ARHGAP32: variants seen among roughly 807,000 people sequenced by gnomAD.
ARHGAP32 encodes the protein Rho GTPase activating protein 32, also known as rho GTPase-activating protein 32.
Under a neutral mutation model 186.5 loss-of-function variants are expected in ARHGAP32, and 51 were observed. That is an observed-to-expected ratio of 0.27 (90% CI 0.22 to 0.35). The LOEUF is 0.35. Ranked by LOEUF, ARHGAP32 falls within the 10% of genes least tolerant of loss-of-function variation. The probability of loss-of-function intolerance (pLI) is 1.00; values close to 1 mark genes in which losing one functional copy is unlikely to be tolerated. For missense variants in ARHGAP32, 2,186 were observed against 2,623.5 expected (o/e 0.83, Z 3.64); for synonymous variants, 950 against 964.3 (o/e 0.99, Z 0.27).
intron 11 of ARHGAP32, among the ~76,000 whole-genome samples, chr11:129,038,991 T>C (rs909957925): frequency 6.7e-6 from 1 of 149,208 alleles, no homozygotes; most frequent in Non-Finnish European, 1.5e-5. Context: ...ACATATAAAA[T>C]GACTAAACAT....
chr11:129,257,430 A>C (rs2135703167), intron 1 of ARHGAP32, among the ~76,000 whole-genome samples: 1 of 152,312 alleles, frequency 6.6e-6, no homozygotes. Flanking sequence ...TAGTAGCTAT[A>C]GAGCAATGTC....
At chr11:129,087,319 T>C (rs1228731449) in intron 6 of ARHGAP32, among the ~76,000 whole-genome samples, 1 of 152,196 alleles carries the variant, frequency 6.6e-6, no homozygotes, top group Non-Finnish European at 1.5e-5. Flanking sequence ...TTATTCATAA[T>C]TGCCAAAACC....
At chr11:129,263,385 C>T (rs1235377425) in intron 1 of ARHGAP32, among the ~76,000 whole-genome samples, 1 of 151,502 alleles carries the variant, frequency 6.6e-6, no homozygotes, top group Non-Finnish European at 1.5e-5. Context: ...AACTCAACAA[C>T]AAAAAAAACT....
intron 1 of ARHGAP32, among the ~76,000 whole-genome samples, chr11:129,219,932 T>C (rs554474863): frequency 6.6e-6 from 1 of 152,234 alleles, no homozygotes; most frequent in East Asian, 1.9e-4. Context: ...GAATAATCCA[T>C]AACCATCTTG....
intron 1 of ARHGAP32, among the ~76,000 whole-genome samples, chr11:129,262,703 T>C (rs1365934148): frequency 6.6e-6 from 1 of 152,068 alleles, no homozygotes; most frequent in East Asian, 1.9e-4. Flanking sequence ...AGCCCAAAAC[T>C]ACTATTTTAA....
chr11:129,243,391 T>C (rs1945046557), intron 1 of ARHGAP32, among the ~76,000 whole-genome samples: 2 of 152,146 alleles, frequency 1.3e-5, no homozygotes, highest in African/African-American at 4.8e-5. Context: ...CTAACAATCA[T>C]AAATAAGTAA....
At chr11:129,243,800 C>T (rs1945051405) in intron 1 of ARHGAP32, among the ~76,000 whole-genome samples, 1 of 152,128 alleles carries the variant, frequency 6.6e-6, no homozygotes, top group African/African-American at 2.4e-5. Flanking sequence ...ATTCAAAGCC[C>T]AGCGAAAATG....
chr11:129,182,267 A>G (rs889626369), intron 1 of ARHGAP32, among the ~76,000 whole-genome samples: 1 of 152,126 alleles, frequency 6.6e-6, no homozygotes, highest in East Asian at 1.9e-4. Context: ...ATATGTACAA[A>G]TATATCTGAA....
chr11:129,152,368 C>T (rs1229384163), intron 2 of ARHGAP32, among the ~76,000 whole-genome samples: 1 of 152,086 alleles, frequency 6.6e-6, no homozygotes, highest in African/African-American at 2.4e-5. Context: ...AGAGGAAATC[C>T]TTCCTAAGTC....
At chr11:129,237,819 C>T (rs1591711757) in intron 1 of ARHGAP32, among the ~76,000 whole-genome samples, 1 of 152,268 alleles carries the variant, frequency 6.6e-6, no homozygotes, top group East Asian at 1.9e-4. Flanking sequence ...ACATGACTCT[C>T]CTTACACTGA....
intron 11 of ARHGAP32, among the ~76,000 whole-genome samples, chr11:129,006,713 ACT>A (rs1937793475): frequency 6.6e-6 from 1 of 152,120 alleles, no homozygotes. Context: ...CCCAAAGCCC[ACT>A]GTAACTGCTA....
chr11:129,255,649 A>C (rs1007426810), intron 1 of ARHGAP32, among the ~76,000 whole-genome samples: 13 of 152,086 alleles, frequency 8.5e-5, no homozygotes, highest in Admixed American at 6.6e-5. Context: ...TAGTAGTCAG[A>C]ATATAAAAAA....
At chr11:129,081,881 G>A (rs376769042) in intron 6 of ARHGAP32, among the ~76,000 whole-genome samples, 21 of 152,110 alleles carry the variant, frequency 1.4e-4, no homozygotes, top group Non-Finnish European at 2.2e-4. Context: ...GCTCTTAGAT[G>A]TGATAAGTGA....
intron 11 of ARHGAP32, among the ~76,000 whole-genome samples, chr11:129,021,868 G>GAAC (rs1410137804): frequency 1.3e-5 from 2 of 151,880 alleles, no homozygotes; most frequent in East Asian, 1.9e-4. Flanking sequence ...TCTAAAAACA[G>GAAC]AAAAGGAAGA....
intron 2 of ARHGAP32, among the ~76,000 whole-genome samples, chr11:129,130,959 G>A (rs1591639318): frequency 1.3e-5 from 2 of 151,748 alleles, no homozygotes; most frequent in Admixed American, 1.3e-4. Flanking sequence ...CAGAATCAGT[G>A]AATAAATTAT....
At chr11:129,064,198 A>G (rs1447715376) in intron 8 of ARHGAP32, among the ~76,000 whole-genome samples, 174 bp from the exon 9 acceptor site, 1 of 151,568 alleles carries the variant, frequency 6.6e-6, no homozygotes, top group South Asian at 2.1e-4. Flanking sequence ...TGCTGTGCCT[A>G]TAACATATAC....
At chr11:129,257,025 T>C (rs905074133) in intron 1 of ARHGAP32, among the ~76,000 whole-genome samples, 9 of 152,162 alleles carry the variant, frequency 5.9e-5, no homozygotes, top group Admixed American at 5.9e-4. Context: ...AATTTCTGCA[T>C]ACATCTCACT....
chr11:129,033,080 G>C (rs943277883), intron 11 of ARHGAP32, among the ~76,000 whole-genome samples: 1 of 152,162 alleles, frequency 6.6e-6, no homozygotes, highest in Non-Finnish European at 1.5e-5. Flanking sequence ...ACTATTTTTT[G>C]TGAGATTCAA....
At chr11:129,114,737 G>A (rs1942316470) in intron 5 of ARHGAP32, among the ~76,000 whole-genome samples, 1 of 151,968 alleles carries the variant, frequency 6.6e-6, no homozygotes, top group African/African-American at 2.4e-5. Flanking sequence ...ATGGCAAACA[G>A]GATTTCCAAA....
Sources: gnomAD v4.1 joint callset for allele counts (sites outside exome capture counted in the v4.1 genomes callset) on GRCh38, gnomAD v4.1.1 for gene constraint, MANE v1.5 for transcripts, NCBI Gene and HGNC (gene_info 2026-07-23, HGNC 2026-07-21) for gene names.